The following LOC128706666 variants were observed in gnomAD, a reference collection of about 807,000 sequenced individuals.
chr20:10,419,396 A>C, the LOC128706666 span, among the ~76,000 whole-genome samples: 1 of 152,194 alleles, frequency 6.6e-6, no homozygotes, highest in Non-Finnish European at 1.5e-5. Context: ...ATAACGCTAT[A>C]TTATAGTAAA....
chr20:10,420,485 G>A, the LOC128706666 span: 2 of 152,164 alleles, frequency 1.3e-5, no homozygotes, highest in Non-Finnish European at 2.9e-5. Context: ...CCCATTGTTG[G>A]AATGTGCCAT....
chr20:10,427,170 T>C, the LOC128706666 span, among the ~76,000 whole-genome samples: 97 of 152,080 alleles, frequency 6.4e-4, no homozygotes, highest in African/African-American at 2.0e-3. Context: ...TCTAGCATAG[T>C]ATTAGTTAAA....
At chr20:10,428,826 A>G in the LOC128706666 span, among the ~76,000 whole-genome samples, 1 of 145,420 alleles carries the variant, frequency 6.9e-6, no homozygotes, top group Admixed American at 7.1e-5. Flanking sequence ...CCTAGGTGAC[A>G]GAGCAAGACT....
chr20:10,420,002 T>C, the LOC128706666 span, among the ~76,000 whole-genome samples: 1 of 152,348 alleles, frequency 6.6e-6, no homozygotes, highest in East Asian at 1.9e-4. Flanking sequence ...GGAGTGAGGA[T>C]AAAATGTTTT....
the LOC128706666 span, among the ~76,000 whole-genome samples, chr20:10,425,520 T>C: frequency 6.6e-6 from 1 of 152,236 alleles, no homozygotes; most frequent in South Asian, 2.1e-4. Flanking sequence ...AGGTTCATGA[T>C]ACTGAGAAGC....
the LOC128706666 span, among the ~76,000 whole-genome samples, chr20:10,424,790 G>A: frequency 2.0e-5 from 3 of 152,180 alleles, no homozygotes; most frequent in East Asian, 5.8e-4. Flanking sequence ...GGTGGCTCAT[G>A]CCTGTAATCC....
At chr20:10,424,436 T>C in the LOC128706666 span, among the ~76,000 whole-genome samples, 9 of 152,110 alleles carry the variant, frequency 5.9e-5, no homozygotes, top group African/African-American at 9.7e-5. Context: ...CATTGGCATA[T>C]AACTTTAAAC....
At chr20:10,427,246 T>C in the LOC128706666 span, among the ~76,000 whole-genome samples, 1 of 152,226 alleles carries the variant, frequency 6.6e-6, no homozygotes, top group African/African-American at 2.4e-5. Context: ...GCAGGGAATG[T>C]TACATCAAAT....
At chr20:10,415,730 G>A in the LOC128706666 span, among the ~76,000 whole-genome samples, 1 of 152,088 alleles carries the variant, frequency 6.6e-6, no homozygotes, top group Non-Finnish European at 1.5e-5. Context: ...TAAGAAAATC[G>A]TTTTTCTAGT....
the LOC128706666 span, among the ~76,000 whole-genome samples, chr20:10,433,899 C>T: frequency 1.3e-5 from 2 of 152,218 alleles, no homozygotes; most frequent in African/African-American, 2.4e-5. Flanking sequence ...CCGTGCCGAC[C>T]GCAACATTTA....
At chr20:10,430,507 T>C in the LOC128706666 span, among the ~76,000 whole-genome samples, 1 of 152,234 alleles carries the variant, frequency 6.6e-6, no homozygotes, top group Admixed American at 6.5e-5. Flanking sequence ...ACCTGTAGTA[T>C]AGCAAGAACT....
chr20:10,417,809 G>C, the LOC128706666 span, among the ~76,000 whole-genome samples: 5 of 151,990 alleles, frequency 3.3e-5, no homozygotes, highest in Non-Finnish European at 7.4e-5. Flanking sequence ...ACAAATGAAA[G>C]TAGCCTCTTG....
chr20:10,422,276 G>C, the LOC128706666 span, among the ~76,000 whole-genome samples: 1 of 151,996 alleles, frequency 6.6e-6, no homozygotes, highest in African/African-American at 2.4e-5. Flanking sequence ...GTAAATGAAA[G>C]TATTTTATGG....
chr20:10,423,706 C>T, the LOC128706666 span, among the ~76,000 whole-genome samples: 2 of 152,106 alleles, frequency 1.3e-5, no homozygotes, highest in Non-Finnish European at 2.9e-5. Context: ...AAGAAATGCT[C>T]AATTTTATGT....
the LOC128706666 span, among the ~76,000 whole-genome samples, chr20:10,421,346 C>G: frequency 6.7e-6 from 1 of 149,538 alleles, no homozygotes; most frequent in Non-Finnish European, 1.5e-5. Flanking sequence ...CTTGCTTGAA[C>G]TTGGGAGGTG....
the LOC128706666 span, among the ~76,000 whole-genome samples, chr20:10,426,475 G>A: frequency 6.6e-6 from 1 of 151,652 alleles, no homozygotes. Context: ...GTGTGATCTC[G>A]GCTCACCTCC....
the LOC128706666 span, among the ~76,000 whole-genome samples, chr20:10,422,912 C>T: frequency 1.3e-5 from 2 of 151,862 alleles, no homozygotes; most frequent in Non-Finnish European, 1.5e-5. Context: ...AGGGTTTCAC[C>T]GTGTTAGCCA....
chr20:10,415,254 A>T, the LOC128706666 span, among the ~76,000 whole-genome samples: 3 of 152,194 alleles, frequency 2.0e-5, no homozygotes, highest in African/African-American at 7.2e-5. Flanking sequence ...TGAGTATGGT[A>T]GTGTCCAGGA....
At chr20:10,431,220 G>A in the LOC128706666 span, among the ~76,000 whole-genome samples, 78,627 of 151,832 alleles carry the variant, frequency 0.52, 20,693 homozygotes, top group Non-Finnish European at 0.56. Context: ...TATTATCATC[G>A]AATATTTTGA....
Sources: allele counts gnomAD v4.1 joint callset (sites outside exome capture counted in the v4.1 genomes callset), GRCh38; gene constraint gnomAD v4.1.1; transcripts MANE v1.5.